The following FREM2 variants were observed in gnomAD, a reference collection of about 807,000 sequenced individuals.
The protein encoded by FREM2 is FRAS1 related extracellular matrix 2.
A neutral mutation model predicts 219.9 loss-of-function variants in FREM2; 119 were observed. The observed-to-expected ratio is 0.54, with a 90% CI of 0.47 to 0.63. FREM2 has a LOEUF of 0.63. Ranked by LOEUF, FREM2 falls within the 30% of genes least tolerant of loss-of-function variation. The probability of loss-of-function intolerance (pLI) is 0.00; values close to 1 mark genes in which losing one functional copy is unlikely to be tolerated. For synonymous variants in FREM2, 1,562 were observed against 1,522.8 expected (o/e 1.03, Z -0.60); for missense variants, 4,030 against 3,993.6 (o/e 1.01, Z -0.25).
chr13:38,864,954 G>A (rs1593453069), intron 16 of FREM2, among the ~76,000 whole-genome samples: 2 of 152,172 alleles, frequency 1.3e-5, no homozygotes, highest in East Asian at 1.9e-4. Context: ...GTGTTTATGT[G>A]TAGATGCCTG....
chr13:38,703,245 A>G (rs1870410617), intron 2 of FREM2, among the ~76,000 whole-genome samples: 1 of 152,202 alleles, frequency 6.6e-6, no homozygotes, highest in Non-Finnish European at 1.5e-5. Flanking sequence ...GAGTAAGTAG[A>G]AAAGAGAGGT....
chr13:38,795,881 A>C (rs574238288), intron 6 of FREM2, among the ~76,000 whole-genome samples: 89 of 152,076 alleles, frequency 5.9e-4, no homozygotes, highest in Middle Eastern at 3.2e-3. Context: ...CACTTAACTT[A>C]ATAACCTCCA....
intron 2 of FREM2, among the ~76,000 whole-genome samples, chr13:38,708,052 T>A (rs904731798): frequency 2.0e-5 from 3 of 152,218 alleles, no homozygotes; most frequent in African/African-American, 7.2e-5. Context: ...CAGAACCACA[T>A]TGAAGTTTAT....
chr13:38,748,356 A>C (rs1872569866), intron 2 of FREM2, among the ~76,000 whole-genome samples: 2 of 152,162 alleles, frequency 1.3e-5, no homozygotes, highest in South Asian at 4.1e-4. Context: ...GAAGTTTTTA[A>C]ATTGTATTTG....
At chr13:38,807,046 C>T (rs1875256044) in intron 6 of FREM2, among the ~76,000 whole-genome samples, 1 of 150,604 alleles carries the variant, frequency 6.6e-6, no homozygotes, top group Admixed American at 6.6e-5. Context: ...TTCTAGCTCT[C>T]TTGCTTTTTT....
chr13:38,794,077 T>C (rs2137841828), intron 6 of FREM2, among the ~76,000 whole-genome samples: 1 of 152,326 alleles, frequency 6.6e-6, no homozygotes, highest in Non-Finnish European at 1.5e-5. Context: ...CATTCTGTGC[T>C]AGAGGCATTG....
intron 6 of FREM2, among the ~76,000 whole-genome samples, chr13:38,801,773 G>A (rs1875019148): frequency 6.6e-6 from 1 of 152,218 alleles, no homozygotes; most frequent in African/African-American, 2.4e-5. Context: ...GTATATGCTG[G>A]TACCAGTATT....
At chr13:38,723,946 A>G (rs1227641887) in intron 2 of FREM2, among the ~76,000 whole-genome samples, 1 of 152,212 alleles carries the variant, frequency 6.6e-6, no homozygotes, top group Admixed American at 6.5e-5. Context: ...GTAGCAGACG[A>G]AGGATGCAAG....
At chr13:38,872,590 G>A (rs369213132) in intron 16 of FREM2, 152 bp from the exon 17 acceptor site, 1 of 668,862 alleles carries the variant, frequency 1.5e-6, no homozygotes, top group South Asian at 1.9e-5. Flanking sequence ...AATTAAGTGA[G>A]GGGAAAATAG....
chr13:38,861,575 G>C lies in FREM2; in HGVS notation c.7651+13G>C, dbSNP rs749787566. On this transcript the variant is annotated intron_variant, in intron 15 of 23. Transcript: ENST00000280481. ...CCACACATAGATGGTAGGTGACTTG[G>C]GTAAGCAAATCCATGGAATTGTTTT... 41 of 1,613,174 alleles carry C rather than the reference G, an allele frequency of 2.5e-5. No homozygotes were observed. The East Asian group carries it at 8.0e-4, about 32-fold the overall frequency.
intron 6 of FREM2, among the ~76,000 whole-genome samples, chr13:38,828,130 G>C (rs1186872121): frequency 1.3e-5 from 2 of 151,954 alleles, no homozygotes; most frequent in African/African-American, 4.8e-5. Context: ...TAAATTATTG[G>C]TAAAGTGGCA....
chr13:38,701,616 T>C (rs1870345450), intron 2 of FREM2, among the ~76,000 whole-genome samples: 1 of 152,106 alleles, frequency 6.6e-6, no homozygotes, highest in Non-Finnish European at 1.5e-5. Flanking sequence ...TATTCTAACA[T>C]GAAAGTGCTT....
intron 2 of FREM2, among the ~76,000 whole-genome samples, chr13:38,728,060 C>T (rs1871602020): frequency 6.6e-6 from 1 of 152,128 alleles, no homozygotes. Flanking sequence ...GACAAGTAGA[C>T]ATTTAGGATA....
intron 6 of FREM2, among the ~76,000 whole-genome samples, chr13:38,807,227 A>ATATATATATATATATATG (rs1555268816): frequency 8.0e-6 from 1 of 125,682 alleles, no homozygotes; most frequent in Non-Finnish European, 1.7e-5. Flanking sequence ...ATATATATAT[A>ATATATATATATATATATG]TGTATGGTTT....
In FREM2 at chr13:38,689,255, G is replaced by T; in HGVS notation, c.1911G>T (p.Glu637Asp). The T allele has an allele frequency of 6.2e-7, 1 of 1,614,096 alleles. No individual in the cohort carries two copies. The highest frequency in any genetic ancestry group is 8.5e-7 in the Non-Finnish European group (1 of 1,180,010). ...GLWRKEGAFY[E>D]RTVTEWQQQD... ...GGAGGAAGGAGGGGGCATTTTATGA[G>T]CGAACAGTGACAGAGTGGCAGCAGC... is the stretch of plus-strand genomic sequence containing the variant. The change falls in exon 1 of 24, where the codon GAG becomes GAT. Residue 637 changes from glutamate (E) to aspartate (D), a missense_variant. Around this residue, in one of 2 missense-constraint regions of FREM2, gnomAD observed 3,102 missense variants for 2,950.7 expected, o/e 1.05. Transcript: ENST00000280481.
chr13:38,698,582 C>T (rs2138080341), intron 2 of FREM2, among the ~76,000 whole-genome samples: 1 of 152,200 alleles, frequency 6.6e-6, no homozygotes, highest in Non-Finnish European at 1.5e-5. Flanking sequence ...AGCAAAAGAA[C>T]CTCCCCTAGT....
intron 23 of FREM2, among the ~76,000 whole-genome samples, chr13:38,879,314 G>A (rs953099470): frequency 2.6e-5 from 4 of 152,204 alleles, no homozygotes; most frequent in Admixed American, 2.0e-4. Flanking sequence ...TGACAGTTGA[G>A]TAATCTGCTT....
chr13:38,698,273 G>C (rs957717978), intron 2 of FREM2, among the ~76,000 whole-genome samples: 10 of 152,238 alleles, frequency 6.6e-5, no homozygotes, highest in African/African-American at 2.2e-4. Context: ...ATTAATGTCT[G>C]TTTTATCTCA....
chr13:38,719,447 C>T (rs1871137942), intron 2 of FREM2, among the ~76,000 whole-genome samples: 1 of 152,158 alleles, frequency 6.6e-6, no homozygotes, highest in Non-Finnish European at 1.5e-5. Flanking sequence ...TTCCGAACCC[C>T]TGACCTTAGG....
Sources: allele counts gnomAD v4.1 joint callset (sites outside exome capture counted in the v4.1 genomes callset), GRCh38; gene constraint gnomAD v4.1.1; regional missense constraint gnomAD v4.1.1; transcripts MANE v1.5; gene names NCBI Gene and HGNC (gene_info 2026-07-23, HGNC 2026-07-21).